ABCF2: variants seen among roughly 807,000 people sequenced by gnomAD.
ABCF2 encodes the protein ATP-binding cassette sub-family F member 2.
Under a neutral mutation model 76.9 loss-of-function variants are expected in ABCF2, and 37 were observed. That is an observed-to-expected ratio of 0.48 (90% CI 0.37 to 0.63). ABCF2 has a LOEUF of 0.63. ABCF2 is among the 30% of genes least tolerant of loss of function. The probability of loss-of-function intolerance (pLI) is 0.00; values close to 1 mark genes in which losing one functional copy is unlikely to be tolerated. For missense variants in ABCF2, 524 were observed against 782.1 expected, an observed-to-expected ratio of 0.67 and a Z score of 3.94; for synonymous variants, 299 against 283.7, an observed-to-expected ratio of 1.05 and a Z score of -0.54.
In ABCF2 at chr7:151,211,521, ATTAT is replaced by A. The variant is rs1802044280; in HGVS notation, c.*2529_*2532del. 3.0e-6 allele frequency: 3 copies of A among 984,476 alleles called. No homozygotes were observed. Among genetic ancestry groups the A allele is most frequent in the South Asian group, 9.4e-5 (2 of 21,266 alleles). 61.0% of individuals were successfully genotyped at this position (984,476 alleles called of 1,614,324 possible). On this transcript the variant is annotated 3_prime_UTR_variant, in exon 15 of 15. Coordinates refer to ENST00000287844, the MANE Select transcript of ABCF2 (RefSeq NM_007189.3). ...TATGTATTTTGTGGACTTTTAAAGCATTATTTAAATTACCAAGGTTGACATTTTT... is the reference window on the plus strand; with the variant it reads ...TATGTATTTTGTGGACTTTTAAAGCATTAAATTACCAAGGTTGACATTTTT...
rs1416921444 is a variant in ABCF2, at chr7:151,213,046, G to A, written c.*1008C>T. 13 of 985,178 alleles carry A rather than the reference G, an allele frequency of 1.3e-5. No homozygotes were observed. Among genetic ancestry groups the A allele is most frequent in the Non-Finnish European group, 1.6e-5 (13 of 829,724 alleles). 61.0% of individuals were successfully genotyped at this position (985,178 alleles called of 1,614,324 possible). A position where few individuals can be genotyped will look rare whatever the true frequency, so the allele number is the denominator to read the frequency against. On this transcript the variant is annotated 3_prime_UTR_variant, in exon 15 of 15. Coordinates refer to ENST00000287844, the MANE Select transcript of ABCF2 (RefSeq NM_007189.3). Reference sequence around the variant, plus strand: ...CCCAAAGCGCTGGGATTACAGGTGTGAGCCACCGCACCTGGCCTGCATTTT... The same window carrying A: ...CCCAAAGCGCTGGGATTACAGGTGTAAGCCACCGCACCTGGCCTGCATTTT...
intron 2 of ABCF2, among the ~76,000 whole-genome samples, 168 bp downstream of exon 2, chr7:151,226,137 G>T (rs1045695169): frequency 6.6e-6 from 1 of 152,146 alleles, no homozygotes; most frequent in African/African-American, 2.4e-5. Context: ...GCTTCCTTGC[G>T]CAATGACAGG....
Position 151,214,638 on chromosome 7 carries a change from G to C in ABCF2, c.1734+241C>G, listed in dbSNP as rs977571379. ...CTACCCAACTCTCTTTCCCATTTGG[G>C]CCCAAAATGCTAAGTTGGTTGACAT... On this transcript the variant is annotated intron_variant, in intron 14 of 14. Transcript: ENST00000287844. The surrounding 1 kb of genome is among the most constrained non-coding windows in gnomAD (Gnocchi z 4.9). 6.6e-6 allele frequency among the ~76,000 whole-genome samples: 1 copy of C among 152,142 alleles called. No individual in the cohort carries two copies. The highest frequency in any genetic ancestry group is 1.9e-4 in the East Asian group (1 of 5,196).
chr7:151,217,758 C>T (rs1802180352), intron 11 of ABCF2, among the ~76,000 whole-genome samples: 1 of 151,188 alleles, frequency 6.6e-6, no homozygotes, highest in South Asian at 2.1e-4. Context: ...GCACATTGCA[C>T]TCCAGCCTGG....
At chr7:151,219,203 G>T in intron 7 of ABCF2, 44 bp from the exon 8 acceptor site, 1 of 1,546,950 alleles carries the variant, frequency 6.5e-7, no homozygotes, top group Non-Finnish European at 8.9e-7. Flanking sequence ...TTTAACCTGG[G>T]TTTCAATCCT....
Position 151,224,878 on chromosome 7 carries a change from T to C in ABCF2, c.265A>G (p.Ile89Val), listed in dbSNP as rs1396108370. Residue 89 changes from isoleucine (I) to valine (V), a missense_variant, in exon 3 of 15, where the codon ATC (isoleucine) becomes GTC (valine). Ile to Val is a conservative substitution (Grantham distance 29). Transcript: ENST00000287844. ...SHPNSTDVHI[I>V]NLSLTFHGQE... Reference sequence around the variant, plus strand: ...CCATGAAAGGTAAGTGAGAGGTTGATGATGTGAACATCAGTACTGTTGGGG... The same window carrying C: ...CCATGAAAGGTAAGTGAGAGGTTGACGATGTGAACATCAGTACTGTTGGGG... The C allele has an allele frequency of 3.1e-6, 5 of 1,614,216 alleles. No homozygotes were observed. The highest frequency in any genetic ancestry group is 4.5e-5 in the East Asian group (2 of 44,882).
chr7:151,216,160 C>T (rs1802146914), intron 11 of ABCF2, 131 bp from the exon 12 acceptor site: 11 of 735,256 alleles, frequency 1.5e-5, no homozygotes, highest in South Asian at 1.3e-4. Flanking sequence ...ACATCACCAA[C>T]TCGCACACTG....
chr7:151,224,124 G>T lies in ABCF2; in HGVS notation c.368-10C>A. On this transcript the variant is annotated splice_polypyrimidine_tract_variant and intron_variant, in intron 3 of 14. Coordinates refer to ENST00000287844, the MANE Select transcript of ABCF2 (RefSeq NM_007189.3). ...AGCAGCATGGACTTTCCTGAGAGGG[G>T]AGAGCAGCAGACGCTTGGTACAGTG... is the stretch of plus-strand genomic sequence containing the variant. The T allele has an allele frequency of 6.2e-7, 1 of 1,614,022 alleles. No homozygotes were observed. Among genetic ancestry groups the T allele is most frequent in the South Asian group, 1.1e-5 (1 of 91,080 alleles).
chr7:151,220,457 C>T, intron 7 of ABCF2, among the ~76,000 whole-genome samples: 1 of 149,574 alleles, frequency 6.7e-6, no homozygotes. Flanking sequence ...ACATTTTCTA[C>T]AAATGTGTGC....
chr7:151,211,797 A>G lies in ABCF2; in HGVS notation c.*2257T>C. 1.0e-6 allele frequency: 1 copy of G among 985,394 alleles called. No homozygotes were observed. The highest frequency in any genetic ancestry group is 1.7e-5 in the African/African-American group (1 of 57,352). The allele number at this position is 985,394 out of a possible 1,614,324, so 61.0% of individuals were successfully genotyped here. On this transcript the variant is annotated 3_prime_UTR_variant, in exon 15 of 15. Coordinates refer to ENST00000287844, the MANE Select transcript of ABCF2 (RefSeq NM_007189.3). Reference sequence around the variant, plus strand: ...AGACTAACCTGGGCCATTTTGCTCCAGGCCCCACTTAAGGCATAAAGCAGT... The same window carrying G: ...AGACTAACCTGGGCCATTTTGCTCCGGGCCCCACTTAAGGCATAAAGCAGT...
At chr7:151,226,959 C>T (rs1261261771) in intron 1 of ABCF2, 1 of 153,688 alleles carries the variant, frequency 6.5e-6, no homozygotes, top group African/African-American at 2.4e-5. Flanking sequence ...CGCACTCGTC[C>T]TCGCCCGCGT....
In ABCF2 at chr7:151,213,886, T is replaced by C. The variant is rs1437607392; in HGVS notation, c.*168A>G. The C allele has an allele frequency of 6.9e-7, 1 of 1,441,160 alleles. No homozygotes were observed. The highest frequency in any genetic ancestry group is 9.1e-7 in the Non-Finnish European group (1 of 1,104,718). 89.3% of individuals were successfully genotyped at this position (1,441,160 alleles called of 1,614,324 possible). A position where few individuals can be genotyped will look rare whatever the true frequency, so the allele number is the denominator to read the frequency against. On this transcript the variant is annotated 3_prime_UTR_variant, in exon 15 of 15. Transcript: ENST00000287844. ...GAAACAGACAGGTACTGTCCAGCTGTAGGTAAGAGAGTGCAGCTAAGGCAG... is the reference window on the plus strand; with the variant it reads ...GAAACAGACAGGTACTGTCCAGCTGCAGGTAAGAGAGTGCAGCTAAGGCAG...
chr7:151,218,970 TC>T, intron 8 of ABCF2, 93 bp downstream of exon 8: 1 of 1,609,464 alleles, frequency 6.2e-7, no homozygotes, highest in African/African-American at 1.3e-5. Context: ...CTTCCCGACA[TC>T]CTCCATCACT....
chr7:151,224,982 T>C lies in ABCF2; in HGVS notation c.161A>G (p.Asp54Gly), dbSNP rs1377547847. The change falls in exon 3 of 15, where the codon GAT becomes GGT. Residue 54 changes from aspartate (D) to glycine (G), a missense_variant. Physicochemically the swap from Asp to Gly is moderately conservative, Grantham distance 94. Coordinates refer to ENST00000287844, the MANE Select transcript of ABCF2 (RefSeq NM_007189.3). ...GTCCTCTAGCTCCTTGGTCAGCAAATCTACTTCTGCGGATAGAAAAGCAGT... is the reference window on the plus strand; with the variant it reads ...GTCCTCTAGCTCCTTGGTCAGCAAACCTACTTCTGCGGATAGAAAAGCAGT... ...EANGRETTEV[D>G]LLTKELEDFE... is the part of the protein sequence containing the mutation. 2 of 1,613,948 alleles carry C rather than the reference T, an allele frequency of 1.2e-6. No individual in the cohort carries two copies. Among genetic ancestry groups the C allele is most frequent in the Non-Finnish European group, 1.7e-6 (2 of 1,180,020 alleles).
At position 151,214,266 on chromosome 7, in the gene ABCF2, GC is replaced by G; in HGVS notation, c.1735-76del. The G allele has an allele frequency of 6.2e-7, 1 of 1,606,514 alleles. No individual in the cohort carries two copies. The highest frequency in any genetic ancestry group is 2.2e-5 in the East Asian group (1 of 44,818). ...TCTGCCCAGCAGACTGTCCTGAGGGGCGTCTAGGAAGAAAACTCCGCCCCCC... is the reference window on the plus strand; with the variant it reads ...TCTGCCCAGCAGACTGTCCTGAGGGGGTCTAGGAAGAAAACTCCGCCCCCC... On this transcript the variant is annotated intron_variant, in intron 14 of 14. Coordinates refer to ENST00000287844, the MANE Select transcript of ABCF2 (RefSeq NM_007189.3). The surrounding 1 kb of genome is among the most constrained non-coding windows in gnomAD (Gnocchi z 4.9).
At chr7:151,226,789 C>T in intron 1 of ABCF2, 1 of 221,970 alleles carries the variant, frequency 4.5e-6, no homozygotes, top group South Asian at 9.6e-5. Flanking sequence ...AGGTTCTGCC[C>T]CTCAGCGGAG....
At chr7:151,223,904 A>C (rs1584846187) in intron 4 of ABCF2, 28 bp downstream of exon 4, 2 of 1,606,456 alleles carry the variant, frequency 1.2e-6, no homozygotes, top group African/African-American at 1.3e-5. Flanking sequence ...GAGGACGCCC[A>C]CCCCTATGCC....
intron 11 of ABCF2, among the ~76,000 whole-genome samples, chr7:151,217,124 A>G (rs1802167050): frequency 6.6e-6 from 1 of 152,206 alleles, no homozygotes; most frequent in South Asian, 2.1e-4. Flanking sequence ...CATTCATTCT[A>G]TCATTTTCCA....
In ABCF2 at chr7:151,224,108, G is replaced by A. The variant is rs776635078; in HGVS notation, c.374C>T (p.Ser125Phe). The A allele has an allele frequency of 6.2e-7, 1 of 1,614,140 alleles. No homozygotes were observed. Among genetic ancestry groups the A allele is most frequent in the South Asian group, 1.1e-5 (1 of 91,082 alleles). ...CTTCCCAATAGCAGAGAGCAGCATG[G>A]ACTTTCCTGAGAGGGGAGAGCAGCA... ...GLIGLNGIGK[S>F]MLLSAIGKRE... The change falls in exon 4 of 15, where the codon TCC becomes TTC. Residue 125 changes from serine to phenylalanine, a missense_variant. Around this residue, in one of 2 missense-constraint regions of ABCF2, gnomAD observed 330 missense variants for 433.6 expected, o/e 0.76. Coordinates refer to ENST00000287844, the MANE Select transcript of ABCF2 (RefSeq NM_007189.3).
Sources: allele counts gnomAD v4.1 joint callset (sites outside exome capture counted in the v4.1 genomes callset), GRCh38; gene constraint gnomAD v4.1.1; regional missense constraint gnomAD v4.1.1; non-coding constraint Gnocchi (gnomAD v3.1); transcripts MANE v1.5; gene names NCBI Gene and HGNC (gene_info 2026-07-23, HGNC 2026-07-21).